AHNAK: variants seen among roughly 807,000 people sequenced by gnomAD.
AHNAK encodes neuroblast differentiation-associated protein AHNAK.
A neutral mutation model predicts 37.8 loss-of-function variants in AHNAK; 23 were observed. The observed-to-expected ratio is 0.61, with a 90% CI of 0.44 to 0.86. The LOEUF is 0.86. AHNAK is among the 40% of genes least tolerant of loss of function. AHNAK has a pLI of 0.00. For missense variants in AHNAK, 7,411 were observed against 7,319.4 expected, an observed-to-expected ratio of 1.01 and a Z score of -0.46; for synonymous variants, 2,481 against 2,636.3, an observed-to-expected ratio of 0.94 and a Z score of 1.80.
Position 62,522,064 on chromosome 11 carries a change from T to C in AHNAK, c.12353A>G (p.Lys4118Arg). 1 of 1,614,024 alleles carries C rather than the reference T, an allele frequency of 6.2e-7. No individual in the cohort carries two copies. The highest frequency in any genetic ancestry group is 1.1e-5 in the South Asian group (1 of 91,082). Reference sequence around the variant, plus strand: ...TGCCTTGAGGTGCAGGTCAGGCATTTTAAATTTGGGGCCCTTCAGTTTCCC... The same window carrying C: ...TGCCTTGAGGTGCAGGTCAGGCATTCTAAATTTGGGGCCCTTCAGTTTCCC... ...PEGKLKGPKF[K>R]MPDLHLKAPK... The change falls in exon 5 of 5, where the codon AAA (lysine) becomes AGA (arginine). Residue 4118 changes from lysine to arginine, a missense_variant. By Grantham distance (26) the Lys-to-Arg change is conservative (BLOSUM62 2). Transcript: ENST00000378024.
intron 5 of AHNAK, among the ~76,000 whole-genome samples, chr11:62,488,800 G>A (rs1939444479): frequency 1.3e-5 from 2 of 152,146 alleles, no homozygotes; most frequent in Admixed American, 6.5e-5. Flanking sequence ...CCCAGCACCA[G>A]GGGAGCCAAA....
At chr11:62,460,310 C>T (rs1012879156) in intron 5 of AHNAK, among the ~76,000 whole-genome samples, 1 of 152,092 alleles carries the variant, frequency 6.6e-6, no homozygotes, top group East Asian at 1.9e-4. Flanking sequence ...CAAACAAAAA[C>T]CAGATCCGGA....
intron 5 of AHNAK, among the ~76,000 whole-genome samples, chr11:62,459,227 T>C (rs545232508): frequency 1.3e-5 from 2 of 152,290 alleles, no homozygotes; most frequent in South Asian, 2.1e-4. Context: ...GGGTGATATT[T>C]TGAGATTTCA....
At chr11:62,475,278 G>C (rs1939119585) in intron 5 of AHNAK, among the ~76,000 whole-genome samples, 1 of 151,542 alleles carries the variant, frequency 6.6e-6, no homozygotes, top group Non-Finnish European at 1.5e-5. Flanking sequence ...ACTCCAACCT[G>C]GGGCAATAGA....
rs757057817 is a variant in AHNAK at position 62,523,688 on chromosome 11, C to A, written c.10729G>T (p.Val3577Phe). 1.2e-6 allele frequency: 2 copies of A among 1,613,878 alleles called. No individual in the cohort carries two copies. Among genetic ancestry groups the A allele is most frequent in the Admixed American group, 3.3e-5 (2 of 59,992 alleles). ...KLEGDLKGPE[V>F]DIKGPKVDIN... The stretch of plus-strand genomic sequence containing the variant: ...TCCACTTTAGGGCCTTTGATATCAA[C>A]CTCTGGCCCTTTCAGATCCCCTTCA... Residue 3577 changes from valine to phenylalanine, a missense_variant, in exon 5 of 5, where the codon GTT becomes TTT. Val to Phe is a conservative substitution (Grantham distance 50). Transcript: ENST00000378024.
intron 5 of AHNAK, among the ~76,000 whole-genome samples, chr11:62,470,068 G>T (rs1939000321): frequency 6.6e-6 from 1 of 152,130 alleles, no homozygotes; most frequent in Non-Finnish European, 1.5e-5. Context: ...ACTTTGGGAG[G>T]CCAAGGTGGG....
At chr11:62,438,725 A>G (rs1938234776) in intron 5 of AHNAK, among the ~76,000 whole-genome samples, 1 of 152,048 alleles carries the variant, frequency 6.6e-6, no homozygotes, top group Admixed American at 6.6e-5. Context: ...TGTTTTAGAA[A>G]TGTTTGCCCA....
At chr11:62,500,289 A>C (rs974675408) in intron 4 of AHNAK, among the ~76,000 whole-genome samples, 1 of 152,182 alleles carries the variant, frequency 6.6e-6, no homozygotes, top group African/African-American at 2.4e-5. Flanking sequence ...ACAAGCCAGT[A>C]GGGGAGATAT....
In AHNAK at chr11:62,532,663, C is replaced by A; in HGVS notation, c.1754G>T (p.Gly585Val). The change falls in exon 5 of 5, where the codon GGG becomes GTG. Residue 585 changes from glycine to valine, a missense_variant. Gly to Val is a moderately radical substitution (Grantham distance 109). Coordinates refer to ENST00000378024, the MANE Select transcript of AHNAK (RefSeq NM_001620.3). ...TCTGGGGAGTGTGACATCTACACCC[C>A]CTTTCACTTTAGGTGCGGCCACATT... ...DLNVAAPKVK[G>V]GVDVTLPRVE... 1 of 1,614,074 alleles carries A rather than the reference C, an allele frequency of 6.2e-7. No homozygotes were observed. The highest frequency in any genetic ancestry group is 8.5e-7 in the Non-Finnish European group (1 of 1,180,014).
At position 62,525,914 on chromosome 11, in the gene AHNAK, T is replaced by A. The variant is rs766251641; in HGVS notation, c.8503A>T (p.Ile2835Leu). 1 of 1,614,202 alleles carries A rather than the reference T, an allele frequency of 6.2e-7. No individual in the cohort carries two copies. The highest frequency in any genetic ancestry group is 1.7e-5 in the Admixed American group (1 of 60,014). Residue 2835 changes from isoleucine to leucine, a missense_variant, in exon 5 of 5, where the codon ATA (isoleucine) becomes TTA (leucine). By Grantham distance (5) the Ile-to-Leu change is conservative. Transcript: ENST00000378024. ...MPEMHFKTPK[I>L]SMPDIDLNLT... ...TTCAGGTCAATATCTGGCATGGATA[T>A]CTTTGGAGTCTTAAAATGCATCTCT...
chr11:62,517,172 T>TG lies in AHNAK; in HGVS notation c.17244dup (p.Ser5749GlnfsTer24). On this transcript the variant is annotated frameshift_variant, in exon 5 of 5. Coordinates refer to ENST00000378024, the MANE Select transcript of AHNAK (RefSeq NM_001620.3). LOFTEE classifies it high-confidence loss of function. ...GCCTCTCCTTCCAGAGAGCCCAGGC[T>TG]GGCCTTTGAACTTTTCAGGTCACCT... 1 of 1,613,796 alleles carries TG rather than the reference T, an allele frequency of 6.2e-7. No individual in the cohort carries two copies. The highest frequency in any genetic ancestry group is 8.5e-7 in the Non-Finnish European group (1 of 1,180,022).
At chr11:62,484,681 G>C (rs963621161) in intron 5 of AHNAK, among the ~76,000 whole-genome samples, 1 of 152,200 alleles carries the variant, frequency 6.6e-6, no homozygotes, top group Non-Finnish European at 1.5e-5. Flanking sequence ...AAGCCTCTAC[G>C]CTACCACGAG....
rs1940268576 is a variant in AHNAK at position 62,522,045 on chromosome 11, G to A, written c.12372C>T (p.Leu4124=). ...GPKFKMPDLH[L]KAPKISMPEV... ...CAGGCATAGAGATCTTCGGTGCCTT[G>A]AGGTGCAGGTCAGGCATTTTAAATT... The change falls in exon 5 of 5, where the codon CTC becomes CTT. Residue 4124 remains leucine, a synonymous_variant. Transcript: ENST00000378024. The A allele has an allele frequency of 6.2e-7, 1 of 1,614,074 alleles. No homozygotes were observed. Among genetic ancestry groups the A allele is most frequent in the Non-Finnish European group, 8.5e-7 (1 of 1,180,032 alleles).
In AHNAK at chr11:62,470,046, C is replaced by T. The variant is rs146392852; in HGVS notation, c.442+21686G>A. ...GTTGGCCACGTGCAGTGCTCACGCCCGTAATCCCAGCACTTTGGGAGGCCA... is the reference window on the plus strand; with the variant it reads ...GTTGGCCACGTGCAGTGCTCACGCCTGTAATCCCAGCACTTTGGGAGGCCA... On this transcript the variant is annotated intron_variant, in intron 5 of 5. Transcript: ENST00000257247. Among the ~76,000 whole-genome samples the T allele has an allele frequency of 4.3e-3, 651 of 151,986 alleles. 2 individuals carry two copies. The highest frequency in any genetic ancestry group is 0.01 in the Middle Eastern group (3 of 294).
intron 5 of AHNAK, among the ~76,000 whole-genome samples, chr11:62,467,100 G>C (rs1250849534): frequency 6.6e-6 from 1 of 151,802 alleles, no homozygotes; most frequent in Admixed American, 6.6e-5. Context: ...GCTACTTGAG[G>C]GGCTGAGGTG....
Position 62,522,952 on chromosome 11 carries a change from G to A in AHNAK, c.11465C>T (p.Pro3822Leu). 1 of 1,613,056 alleles carries A rather than the reference G, an allele frequency of 6.2e-7. No homozygotes were observed. ...FSMPGFKGEG[P>L]DVDVNLPKAD... ...CTTGGGCAGGTTCACATCCACATCTGGGCCCTCTCCTTTGAAGCCAGGCAT... is the reference window on the plus strand; with the variant it reads ...CTTGGGCAGGTTCACATCCACATCTAGGCCCTCTCCTTTGAAGCCAGGCAT... Residue 3822 changes from proline (P) to leucine (L), a missense_variant, in exon 5 of 5, where the codon CCA (proline) becomes CTA (leucine). Transcript: ENST00000378024.
intron 4 of AHNAK, among the ~76,000 whole-genome samples, chr11:62,496,868 G>A (rs1456726122): frequency 2.1e-5 from 3 of 145,730 alleles, no homozygotes; most frequent in Middle Eastern, 3.4e-3. Context: ...AAGGAAGGAA[G>A]AAGGGAGGGA....
rs1489778682 is a variant in AHNAK, at chr11:62,527,666, A to T, written c.6751T>A (p.Phe2251Ile). ...TCTCCTTTGAAGCCAGGCATGCTGA[A>T]CTTGGGCATTTTCATCTTAGGCATC... ...LKMPKMKMPK[F>I]SMPGFKGEGP... The change falls in exon 5 of 5, where the codon TTC becomes ATC. Residue 2251 changes from phenylalanine to isoleucine, a missense_variant. Physicochemically the swap from Phe to Ile is conservative, Grantham distance 21. Coordinates refer to ENST00000378024, the MANE Select transcript of AHNAK (RefSeq NM_001620.3). 6.2e-7 allele frequency: 1 copy of T among 1,613,994 alleles called. No homozygotes were observed. The highest frequency in any genetic ancestry group is 1.1e-5 in the South Asian group (1 of 91,072).
chr11:62,528,257 G>T lies in AHNAK; in HGVS notation c.6160C>A (p.Pro2054Thr), dbSNP rs773894843. Residue 2054 changes from proline (P) to threonine (T), a missense_variant, in exon 5 of 5, where the codon CCC (proline) becomes ACC (threonine). By Grantham distance (38) the Pro-to-Thr change is conservative. Transcript: ENST00000378024. ...TTGAAGCCAGGCATGCTGAACTTGG[G>T]CATTTTCATCTTGGGCATCTTCAGG... is the stretch of plus-strand genomic sequence containing the variant. ...WHLKMPKMKMPKFSMPGFKAE... is the reference protein window; with the variant it reads ...WHLKMPKMKMTKFSMPGFKAE... 8 of 1,614,006 alleles carry T rather than the reference G, an allele frequency of 5.0e-6. No homozygotes were observed. The Admixed American group carries it at 1.3e-4, about 27-fold the overall frequency.
Sources: gnomAD v4.1 joint callset for allele counts (sites outside exome capture counted in the v4.1 genomes callset) on GRCh38, gnomAD v4.1.1 for gene constraint, MANE v1.5 for transcripts, NCBI Gene and HGNC (gene_info 2026-07-23, HGNC 2026-07-21) for gene names.